Variants in ADGRV1 observed in about 807,000 individuals in gnomAD.
ADGRV1 encodes adhesion G protein-coupled receptor V1, also known as G-protein coupled receptor 98.
A neutral mutation model predicts 596.2 loss-of-function variants in ADGRV1; 359 were observed. That is an observed-to-expected ratio of 0.60 (90% confidence interval 0.55 to 0.66). ADGRV1 has a LOEUF of 0.66. Ranked by LOEUF, ADGRV1 falls within the 30% of genes least tolerant of loss-of-function variation. The pLI, the probability that ADGRV1 is intolerant of heterozygous loss-of-function variation, is 0.00. For missense variants in ADGRV1, 7,274 were observed against 7,575.6 expected, an observed-to-expected ratio of 0.96 and a Z score of 1.48; for synonymous variants, 2,681 against 2,679.2, an observed-to-expected ratio of 1.00 and a Z score of -0.02.
chr5:90,981,967 TAAATTACTTA>T (rs954410426), intron 84 of ADGRV1, among the ~76,000 whole-genome samples: 5 of 103,992 alleles, frequency 4.8e-5, no homozygotes, highest in Non-Finnish European at 9.0e-5. Context: ...AAAACCTGGA[TAAATTACTTA>T]CTTGAGAGGC....
At chr5:90,955,004 C>T (rs1030147872) in intron 83 of ADGRV1, among the ~76,000 whole-genome samples, 1 of 151,906 alleles carries the variant, frequency 6.6e-6, no homozygotes, top group African/African-American at 2.4e-5. Flanking sequence ...GTGAAGCCCT[C>T]ATGACCGAGA....
chr5:90,819,771 G>A (rs1472837526), intron 75 of ADGRV1, among the ~76,000 whole-genome samples: 10 of 152,234 alleles, frequency 6.6e-5, no homozygotes, highest in Admixed American at 2.6e-4. Flanking sequence ...TTGCACTGTG[G>A]TCTGAGAGAT....
chr5:90,806,309 A>G (rs551677012), intron 72 of ADGRV1, among the ~76,000 whole-genome samples: 48 of 152,312 alleles, frequency 3.2e-4, no homozygotes, highest in Admixed American at 1.2e-3. Flanking sequence ...GAGAGACACC[A>G]TAGTGTGATA....
chr5:90,565,691 G>A (rs775015378), intron 1 of ADGRV1, among the ~76,000 whole-genome samples: 1 of 151,982 alleles, frequency 6.6e-6, no homozygotes, highest in African/African-American at 2.4e-5. Flanking sequence ...TTTTGTTCTC[G>A]TAGTGGCCCA....
intron 89 of ADGRV1, among the ~76,000 whole-genome samples, chr5:91,158,987 T>A (rs1306135835): frequency 6.6e-6 from 1 of 152,170 alleles, no homozygotes; most frequent in East Asian, 1.9e-4. Context: ...TCCCTTACAA[T>A]TCATCATCTT....
In ADGRV1 at chr5:90,643,966, G is replaced by C; in HGVS notation, c.2717G>C (p.Gly906Ala). 6.2e-7 allele frequency: 1 copy of C among 1,603,446 alleles called. No homozygotes were observed. Among genetic ancestry groups the C allele is most frequent in the Non-Finnish European group, 8.5e-7 (1 of 1,172,090 alleles). Reference protein sequence around the residue: ...GLIVMINESKGDAIYSAVYDV... With the variant: ...GLIVMINESKADAIYSAVYDV... Reference sequence around the variant, plus strand: ...ATTGTGATGATAAATGAAAGCAAAGGAGATGCTATCTATAGTGGTAATTTA... The same window carrying C: ...ATTGTGATGATAAATGAAAGCAAAGCAGATGCTATCTATAGTGGTAATTTA... Residue 906 changes from glycine to alanine, a missense_variant, in exon 14 of 90, where the codon GGA (glycine) becomes GCA (alanine). Coordinates refer to ENST00000405460, the MANE Select transcript of ADGRV1 (RefSeq NM_032119.4).
chr5:90,606,473 A>G (rs1006231863), intron 1 of ADGRV1, among the ~76,000 whole-genome samples: 15 of 152,316 alleles, frequency 9.8e-5, no homozygotes, highest in African/African-American at 3.4e-4. Flanking sequence ...AAGGAGAGAA[A>G]CACAATAAAT....
rs73181648 is a variant in ADGRV1, at chr5:90,653,530, G to A, written c.3956G>A (p.Arg1319Gln). Residue 1319 changes from arginine (R) to glutamine (Q), a missense_variant, in exon 20 of 90, where the codon CGG (arginine) becomes CAG (glutamine). By Grantham distance (43) the Arg-to-Gln change is conservative (BLOSUM62 1). This residue lies in a region of ADGRV1 where 1,715 missense variants were observed against 1,708.8 expected (regional missense o/e 1.00). Coordinates refer to ENST00000405460, the MANE Select transcript of ADGRV1 (RefSeq NM_032119.4). ...ACCGTGCATTTACAACAGCACATGC[G>A]GCGTCACCACAGTGGAACGGATGCT... ...PTTVHLQQHM[R>Q]RHHSGTDALY... The A allele has an allele frequency of 6.1e-4, 982 of 1,613,868 alleles. 8 individuals are homozygous for A. The African/African-American group carries it at 0.012, about 20-fold the overall frequency.
chr5:91,055,324 T>C (rs1786740849), intron 85 of ADGRV1, among the ~76,000 whole-genome samples: 1 of 152,064 alleles, frequency 6.6e-6, no homozygotes, highest in South Asian at 2.1e-4. Context: ...TTAAGTGTCA[T>C]ATATGATTTC....
chr5:91,161,344 T>C (rs1796927910), intron 89 of ADGRV1, among the ~76,000 whole-genome samples: 1 of 152,204 alleles, frequency 6.6e-6, no homozygotes, highest in Non-Finnish European at 1.5e-5. Context: ...GGGCCAAGCA[T>C]TATTTATGGT....
At chr5:90,603,017 A>T (rs1257049474) in intron 1 of ADGRV1, among the ~76,000 whole-genome samples, 1 of 152,194 alleles carries the variant, frequency 6.6e-6, no homozygotes, top group Admixed American at 6.5e-5. Context: ...ACCACAAATT[A>T]TTACAGATGA....
At chr5:90,672,443 T>C in intron 21 of ADGRV1, 103 bp from the exon 22 acceptor site, 1 of 873,664 alleles carries the variant, frequency 1.1e-6, no homozygotes, top group Middle Eastern at 2.5e-4. Context: ...AGGTAGAAAG[T>C]TGTAGAATTA....
At chr5:91,033,732 A>G (rs1396168458) in intron 85 of ADGRV1, among the ~76,000 whole-genome samples, 1 of 152,206 alleles carries the variant, frequency 6.6e-6, no homozygotes. Context: ...TTTTTGGCAC[A>G]TGAGGATTTA....
chr5:90,614,817 T>G lies in ADGRV1; in HGVS notation c.23-18T>G, dbSNP rs1398881422. ...TTAGATATATTTTGTGAATAATATT[T>G]TTTTCTTTTTGTTTTAGGGATGCCC... On this transcript the variant is annotated intron_variant, in intron 1 of 89. Coordinates refer to ENST00000405460, the MANE Select transcript of ADGRV1 (RefSeq NM_032119.4). The G allele has an allele frequency of 6.4e-7, 1 of 1,551,910 alleles. No individual in the cohort carries two copies. The highest frequency in any genetic ancestry group is 8.9e-7 in the Non-Finnish European group (1 of 1,128,700).
At chr5:90,766,602 T>A (rs1391218272) in intron 59 of ADGRV1, among the ~76,000 whole-genome samples, 1 of 152,126 alleles carries the variant, frequency 6.6e-6, no homozygotes, top group African/African-American at 2.4e-5. Context: ...AACAAGCATA[T>A]TACAGTCCAT....
At chr5:90,820,951 G>A (rs2150284516) in intron 75 of ADGRV1, among the ~76,000 whole-genome samples, 1 of 151,892 alleles carries the variant, frequency 6.6e-6, no homozygotes, top group South Asian at 2.1e-4. Flanking sequence ...TCCTGAATCT[G>A]AATGTTGGCC....
chr5:90,685,404 G>A (rs577793271), intron 28 of ADGRV1, among the ~76,000 whole-genome samples: 2 of 151,970 alleles, frequency 1.3e-5, no homozygotes, highest in Non-Finnish European at 2.9e-5. Flanking sequence ...GCAACATGGT[G>A]AAACCCCATC....
intron 85 of ADGRV1, chr5:91,031,123 A>C (rs1412974654): frequency 1.5e-6 from 2 of 1,363,736 alleles, no homozygotes; most frequent in African/African-American, 1.4e-5. Flanking sequence ...ACACAAGTAA[A>C]AGAACAGAAA....
In ADGRV1 at chr5:90,705,539, A is replaced by G. The variant is rs1748480805; in HGVS notation, c.8526A>G (p.Ile2842Met). The change falls in exon 37 of 90, where the codon ATA (isoleucine) becomes ATG (methionine). Residue 2842 changes from isoleucine (I) to methionine (M), a missense_variant. Around this residue, in one of 5 missense-constraint regions of ADGRV1, gnomAD observed 3,643 missense variants for 3,809.2 expected, o/e 0.96. Coordinates refer to ENST00000405460, the MANE Select transcript of ADGRV1 (RefSeq NM_032119.4). ...TTGTGTTACTACAAGAGGCTAACAT[A>G]ACAATTCAGCTTTTCATCAACAGAG... ...SRFVLLQEAN[I>M]TIQLFINREF... 4 of 1,613,906 alleles carry G rather than the reference A, an allele frequency of 2.5e-6. No individual in the cohort carries two copies. The highest frequency in any genetic ancestry group is 1.7e-5 in the Admixed American group (1 of 60,026).
Sources: allele counts gnomAD v4.1 joint callset (sites outside exome capture counted in the v4.1 genomes callset), GRCh38; gene constraint gnomAD v4.1.1; regional missense constraint gnomAD v4.1.1; transcripts MANE v1.5; gene names NCBI Gene and HGNC (gene_info 2026-07-23, HGNC 2026-07-21).